Variants in GADL1 observed in about 807,000 individuals in gnomAD.
GADL1 encodes GAD like acidic amino acid decarboxylase 1.
GADL1 carries 71 observed loss-of-function variants against 69.5 expected under a neutral mutation model. That is an observed-to-expected ratio of 1.02 (90% CI 0.84 to 1.25). The LOEUF (loss-of-function observed/expected upper bound fraction) is 1.25, where lower values mean the gene tolerates loss of function less well. Ranked by LOEUF, GADL1 falls within the 50% of genes most tolerant of loss-of-function variation. The pLI is 0.00. For synonymous variants in GADL1, 254 were observed against 214.4 expected, an observed-to-expected ratio of 1.18 and a Z score of -1.62; for missense variants, 737 against 631.8, an observed-to-expected ratio of 1.17 and a Z score of -1.79.
At chr3:30,739,272 G>C (rs760220255) in intron 14 of GADL1, among the ~76,000 whole-genome samples, 1 of 152,104 alleles carries the variant, frequency 6.6e-6, no homozygotes, top group Admixed American at 6.6e-5. Flanking sequence ...ACAGGCTGCC[G>C]AGACATTCCA....
At chr3:30,752,820 A>G (rs569501277) in intron 14 of GADL1, among the ~76,000 whole-genome samples, 38 of 104,602 alleles carry the variant, frequency 3.6e-4, no homozygotes, top group East Asian at 2.2e-3. Context: ...CTGGAAGACA[A>G]GAGTTTTCTA....
At chr3:30,769,243 A>AT (rs1696359774) in intron 14 of GADL1, among the ~76,000 whole-genome samples, 1 of 152,214 alleles carries the variant, frequency 6.6e-6, no homozygotes, top group Non-Finnish European at 1.5e-5. Flanking sequence ...CAGTGCTCGT[A>AT]TTTAGGTCAT....
At chr3:30,753,809 C>A (rs533153244) in intron 14 of GADL1, among the ~76,000 whole-genome samples, 8 of 152,176 alleles carry the variant, frequency 5.3e-5, no homozygotes, top group Non-Finnish European at 8.8e-5. Context: ...TCATAAATTG[C>A]AAGAAAACAG....
At chr3:30,851,864 C>T (rs1393186809) in intron 4 of GADL1, among the ~76,000 whole-genome samples, 1 of 152,156 alleles carries the variant, frequency 6.6e-6, no homozygotes, top group Non-Finnish European at 1.5e-5. Flanking sequence ...TAATAAACGT[C>T]CCACTCACTA....
chr3:30,877,926 A>T (rs1160200538), intron 1 of GADL1, among the ~76,000 whole-genome samples: 1 of 151,954 alleles, frequency 6.6e-6, no homozygotes, highest in Non-Finnish European at 1.5e-5. Context: ...AACATGAAGA[A>T]GGTCCTGAAT....
chr3:30,850,160 T>A (rs1271355873), intron 5 of GADL1, 49 bp from the exon 6 acceptor site: 2 of 1,000,414 alleles, frequency 2.0e-6, no homozygotes, highest in Non-Finnish European at 3.2e-6. Flanking sequence ...AAGTTATAGC[T>A]CGCAAAATGC....
At chr3:30,873,100 A>AT (rs1397234164) in intron 1 of GADL1, among the ~76,000 whole-genome samples, 3 of 151,976 alleles carry the variant, frequency 2.0e-5, no homozygotes, top group African/African-American at 7.2e-5. Flanking sequence ...AAAAAGAAAT[A>AT]TAATGCAAGC....
chr3:30,885,880 T>C (rs985550855), intron 1 of GADL1, among the ~76,000 whole-genome samples: 1 of 152,098 alleles, frequency 6.6e-6, no homozygotes, highest in African/African-American at 2.4e-5. Context: ...GTACTGGAGC[T>C]ATAGGCATGA....
chr3:30,859,755 T>C (rs1395612644), intron 2 of GADL1, among the ~76,000 whole-genome samples: 2 of 151,942 alleles, frequency 1.3e-5, no homozygotes, highest in African/African-American at 4.8e-5. Context: ...ATCTGCAGGC[T>C]ACCTTTTAAT....
intron 11 of GADL1, among the ~76,000 whole-genome samples, chr3:30,819,397 T>C (rs746923613): frequency 4.6e-5 from 7 of 152,146 alleles, no homozygotes; most frequent in Non-Finnish European, 7.3e-5. Flanking sequence ...ATTCTGATCA[T>C]TGAGTACAAT....
At chr3:30,826,259 CAAATT>C (rs1315340764) in intron 11 of GADL1, among the ~76,000 whole-genome samples, 2 of 151,848 alleles carry the variant, frequency 1.3e-5, no homozygotes, top group African/African-American at 4.8e-5. Flanking sequence ...TGGTCTTTAT[CAAATT>C]AAAGATGACA....
At chr3:30,791,439 C>A (rs971977846) in intron 12 of GADL1, among the ~76,000 whole-genome samples, 1 of 152,076 alleles carries the variant, frequency 6.6e-6, no homozygotes, top group Non-Finnish European at 1.5e-5. Context: ...GAGCCTGCCT[C>A]CACTTCCTCA....
At chr3:30,744,933 G>T (rs139855590) in intron 14 of GADL1, among the ~76,000 whole-genome samples, 5 of 152,106 alleles carry the variant, frequency 3.3e-5, no homozygotes, top group Admixed American at 3.3e-4. Context: ...CACGAACAGC[G>T]GCGAACGAAA....
Position 30,778,222 on chromosome 3 carries a change from C to G in GADL1, c.1349G>C (p.Arg450Thr), listed in dbSNP as rs376214137. The G allele has an allele frequency of 2.5e-6, 4 of 1,612,790 alleles. No homozygotes were observed. The African/African-American group carries it at 5.3e-5, about 22-fold the overall frequency. The stretch of plus-strand genomic sequence containing the variant: ...GAACTCGGGTCCTTCTTCCATCTCT[C>G]TGAGGCTCGGTGGAATGTACCAAAA... ...ICFWYIPPSL[R>T]EMEEGPEFWA... The change falls in exon 14 of 15, where the codon AGA becomes ACA. Residue 450 changes from arginine (R) to threonine (T), a missense_variant. Physicochemically the swap from Arg to Thr is moderately conservative, Grantham distance 71. Transcript: ENST00000282538.
At chr3:30,753,277 G>A (rs1470001490) in intron 14 of GADL1, among the ~76,000 whole-genome samples, 1 of 151,988 alleles carries the variant, frequency 6.6e-6, no homozygotes. Flanking sequence ...ATACACAATA[G>A]TATGTTTTCT....
chr3:30,773,177 C>T (rs1696457043), intron 14 of GADL1, among the ~76,000 whole-genome samples: 1 of 152,108 alleles, frequency 6.6e-6, no homozygotes, highest in Non-Finnish European at 1.5e-5. Context: ...CCTTAAAATT[C>T]ATCCTTATAA....
intron 9 of GADL1, among the ~76,000 whole-genome samples, chr3:30,838,635 G>A (rs1447184587): frequency 1.3e-5 from 2 of 152,032 alleles, no homozygotes; most frequent in Non-Finnish European, 2.9e-5. Context: ...AATCCAAAAG[G>A]CTAAGATCGC....
At chr3:30,753,534 AAT>A (rs1695886729) in intron 14 of GADL1, among the ~76,000 whole-genome samples, 1 of 151,590 alleles carries the variant, frequency 6.6e-6, no homozygotes, top group African/African-American at 2.4e-5. Flanking sequence ...ATTAATGAAA[AAT>A]CCCTGTTCTT....
At chr3:30,755,824 C>T (rs1324487318) in intron 14 of GADL1, among the ~76,000 whole-genome samples, 6 of 151,580 alleles carry the variant, frequency 4.0e-5, no homozygotes, top group Admixed American at 2.6e-4. Flanking sequence ...GCCAAAGGTA[C>T]TTTTTTTCCT....
Sources: gnomAD v4.1 joint callset for allele counts (sites outside exome capture counted in the v4.1 genomes callset) on GRCh38, gnomAD v4.1.1 for gene constraint, MANE v1.5 for transcripts, NCBI Gene and HGNC (gene_info 2026-07-23, HGNC 2026-07-21) for gene names.